The following PDE6D variants were observed in gnomAD, a reference collection of about 807,000 sequenced individuals.
The protein encoded by PDE6D is retinal rod rhodopsin-sensitive cGMP 3',5'-cyclic phosphodiesterase subunit delta.
PDE6D carries 10 observed loss-of-function variants against 21.9 expected under a neutral mutation model. That is an observed-to-expected ratio of 0.46 (90% confidence interval 0.28 to 0.78). The LOEUF (loss-of-function observed/expected upper bound fraction) is 0.78. PDE6D is among the 30% of genes least tolerant of loss of function. PDE6D has a pLI of 0.12. For synonymous variants in PDE6D, 59 were observed against 63.5 expected, an observed-to-expected ratio of 0.93 and a Z score of 0.34; for missense variants, 139 against 184.8, an observed-to-expected ratio of 0.75 and a Z score of 1.44.
At chr2:231,760,574 A>G (rs1456275336) in intron 1 of PDE6D, among the ~76,000 whole-genome samples, 1 of 152,094 alleles carries the variant, frequency 6.6e-6, no homozygotes, top group African/African-American at 2.4e-5. Context: ...ACTTTATATG[A>G]CACCCCCAGC....
At position 231,738,971 on chromosome 2, in the gene PDE6D, C is replaced by G. The variant is rs1574617430; in HGVS notation, c.139+129G>C. 6.8e-6 allele frequency: 3 copies of G among 439,674 alleles called. No homozygotes were observed. The East Asian group carries it at 1.4e-4, about 21-fold the overall frequency. 27.2% of individuals were successfully genotyped at this position (439,674 alleles called of 1,614,324 possible). A position where few individuals can be genotyped will look rare whatever the true frequency, so the allele number is the denominator to read the frequency against. On this transcript the variant is annotated intron_variant, in intron 2 of 4. Transcript: ENST00000287600. ...AAAGTAACTGAAACTGTCAACAACA[C>G]ATGGATTAACATGCTGTGTCTTCAG...
chr2:231,759,513 G>T (rs747391584), intron 1 of PDE6D, among the ~76,000 whole-genome samples: 2 of 152,000 alleles, frequency 1.3e-5, no homozygotes, highest in Non-Finnish European at 2.9e-5. Flanking sequence ...GAGAGAAAAA[G>T]ATCAAATGTC....
At chr2:231,773,383 G>A (rs1352244340) in intron 1 of PDE6D, among the ~76,000 whole-genome samples, 2 of 152,176 alleles carry the variant, frequency 1.3e-5, no homozygotes, top group Non-Finnish European at 2.9e-5. Flanking sequence ...TGGTATGTCT[G>A]GTTGCTTTCC....
chr2:231,759,644 A>T (rs2048910635), intron 1 of PDE6D, among the ~76,000 whole-genome samples: 1 of 152,202 alleles, frequency 6.6e-6, no homozygotes, highest in African/African-American at 2.4e-5. Flanking sequence ...GAAGCAGAAA[A>T]GCTAATAAAC....
intron 4 of PDE6D, among the ~76,000 whole-genome samples, chr2:231,734,284 T>TA (rs1459678915): frequency 6.6e-6 from 1 of 151,980 alleles, no homozygotes; most frequent in Admixed American, 6.6e-5. Context: ...TGAATCAACT[T>TA]ATGATCTTTC....
chr2:231,743,093 A>T (rs1440874810), intron 1 of PDE6D, among the ~76,000 whole-genome samples: 1 of 151,862 alleles, frequency 6.6e-6, no homozygotes, highest in African/African-American at 2.4e-5. Flanking sequence ...ACTATATTTT[A>T]CCCTCTGGAG....
intron 1 of PDE6D, among the ~76,000 whole-genome samples, chr2:231,749,166 A>G (rs1368740278): frequency 6.6e-6 from 1 of 152,144 alleles, no homozygotes; most frequent in African/African-American, 2.4e-5. Context: ...CCAGCTGGTG[A>G]AAGCAGGCAG....
intron 3 of PDE6D, chr2:231,737,727 T>G: frequency 2.6e-6 from 1 of 380,912 alleles, no homozygotes; most frequent in Non-Finnish European, 4.8e-6. Context: ...TAGGCCCTGC[T>G]CATAGCAGCT....
chr2:231,761,918 G>A (rs1046733474), intron 1 of PDE6D, among the ~76,000 whole-genome samples: 2 of 152,160 alleles, frequency 1.3e-5, no homozygotes, highest in Non-Finnish European at 2.9e-5. Flanking sequence ...GAACAGAAAG[G>A]CTCCAGGGAA....
chr2:231,768,551 CT>C (rs757551145), intron 1 of PDE6D: 15 of 152,088 alleles, frequency 9.9e-5, no homozygotes, highest in Non-Finnish European at 1.6e-4. Context: ...CCACGCCCAG[CT>C]AATTTTTGTA....
At chr2:231,775,273 T>C (rs1259455868) in intron 1 of PDE6D, among the ~76,000 whole-genome samples, 5 of 151,998 alleles carry the variant, frequency 3.3e-5, no homozygotes, top group Non-Finnish European at 5.9e-5. Flanking sequence ...ATATTATCAA[T>C]CTTTTAAATC....
rs113833054 is a variant in PDE6D at position 231,734,858 on chromosome 2, CA to C, written c.372-1826del. Among the ~76,000 whole-genome samples, 111 of 107,002 alleles carry C rather than the reference CA, an allele frequency of 1.0e-3. No homozygotes were observed. In the South Asian group the frequency reaches 0.02, roughly 19 times the overall value. The allele number at this position is 107,002 out of a possible 152,430, so 70.2% of individuals were successfully genotyped here. A position where few individuals can be genotyped will look rare whatever the true frequency, so the allele number is the denominator to read the frequency against. On this transcript the variant is annotated intron_variant, in intron 4 of 4. Transcript: ENST00000287600. Reference sequence around the variant, plus strand: ...CGAGACTCCGTCTCAAAAAAAAAAACAAAAAAAAAAACCCCAAAAAACAGGT... The same window carrying C: ...CGAGACTCCGTCTCAAAAAAAAAAACAAAAAAAAAACCCCAAAAAACAGGT...
intron 1 of PDE6D, among the ~76,000 whole-genome samples, chr2:231,762,339 C>CTTTT (rs3074725): frequency 4.0e-4 from 33 of 83,452 alleles, no homozygotes; most frequent in Non-Finnish European, 4.6e-4. Context: ...AGGACTAACG[C>CTTTT]TTTTTTTTTT....
chr2:231,772,393 A>G (rs188906108), intron 1 of PDE6D, among the ~76,000 whole-genome samples: 128 of 152,340 alleles, frequency 8.4e-4, no homozygotes, highest in African/African-American at 2.9e-3. Flanking sequence ...CTTTGTGGAT[A>G]TTGGACTGTA....
chr2:231,736,579 CACAA>C (rs1260394445), intron 4 of PDE6D, among the ~76,000 whole-genome samples: 1 of 152,182 alleles, frequency 6.6e-6, no homozygotes, highest in Non-Finnish European at 1.5e-5. Context: ...TTGGAAAAAG[CACAA>C]ACAAATTGTT....
In PDE6D at chr2:231,739,583, T is replaced by C. The variant is rs1322684241; in HGVS notation, c.51-395A>G. ...ACTCTATAGTGAATGCCACAGTCCA[T>C]AAACTTCACCCACAAGCACAGAACT... On this transcript the variant is annotated intron_variant, in intron 1 of 4. Coordinates refer to ENST00000287600, the MANE Select transcript of PDE6D (RefSeq NM_002601.4). The surrounding 1 kb of genome is among the most constrained non-coding windows in gnomAD (Gnocchi z 4.2). Among the ~76,000 whole-genome samples the C allele has an allele frequency of 1.3e-5, 2 of 151,366 alleles. No individual in the cohort carries two copies. The highest frequency in any genetic ancestry group is 2.9e-5 in the Non-Finnish European group (2 of 67,944).
At chr2:231,749,013 G>A (rs1008466422) in intron 1 of PDE6D, among the ~76,000 whole-genome samples, 5 of 152,212 alleles carry the variant, frequency 3.3e-5, no homozygotes, top group Non-Finnish European at 7.3e-5. Flanking sequence ...TAAGGGAAAT[G>A]TGGGGTTGGA....
intron 1 of PDE6D, among the ~76,000 whole-genome samples, chr2:231,775,362 C>T (rs1199195088): frequency 6.6e-6 from 1 of 151,994 alleles, no homozygotes; most frequent in Non-Finnish European, 1.5e-5. Context: ...GGTTGGAATG[C>T]AGTGGGGCAC....
rs1342739442 is a variant in PDE6D, at chr2:231,737,135, G to C, written c.371+52C>G. On this transcript the variant is annotated intron_variant, in intron 4 of 4. Coordinates refer to ENST00000287600, the MANE Select transcript of PDE6D (RefSeq NM_002601.4). ...TGGCACCAGGAGTCCCACCTGCCTGGAATGCCTGTTTCTAGACACACTTCA... is the reference window on the plus strand; with the variant it reads ...TGGCACCAGGAGTCCCACCTGCCTGCAATGCCTGTTTCTAGACACACTTCA... The C allele has an allele frequency of 3.8e-6, 4 of 1,058,158 alleles. No individual in the cohort carries two copies. In the African/African-American group the frequency reaches 6.3e-5, roughly 17 times the overall value. The allele number at this position is 1,058,158 out of a possible 1,614,324, so 65.5% of individuals were successfully genotyped here. A position where few individuals can be genotyped will look rare whatever the true frequency, so the allele number is the denominator to read the frequency against.
Sources: gnomAD v4.1 joint callset for allele counts (sites outside exome capture counted in the v4.1 genomes callset) on GRCh38, gnomAD v4.1.1 for gene constraint, Gnocchi (gnomAD v3.1) non-coding constraint, MANE v1.5 for transcripts, NCBI Gene and HGNC (gene_info 2026-07-23, HGNC 2026-07-21) for gene names.